CDK15: variants seen among roughly 807,000 people sequenced by gnomAD.
CDK15 encodes the protein cyclin dependent kinase 15, also known as cyclin-dependent kinase 15.
A neutral mutation model predicts 60.3 loss-of-function variants in CDK15; 62 were observed. The observed-to-expected ratio is 1.03, with a 90% CI of 0.84 to 1.27. CDK15 has a LOEUF of 1.27. CDK15 is among the 50% of genes most tolerant of loss of function. CDK15 has a pLI of 0.00. For synonymous variants in CDK15, 194 were observed against 195.7 expected (o/e 0.99, Z 0.07); for missense variants, 541 against 527.8 (o/e 1.03, Z -0.25).
intron 12 of CDK15, chr2:201,888,956 G>A: frequency 1.0e-6 from 1 of 986,652 alleles, no homozygotes; most frequent in Non-Finnish European, 1.2e-6. Flanking sequence ...ATAGAAAGTA[G>A]AATACAAAAT....
intron 4 of CDK15, among the ~76,000 whole-genome samples, chr2:201,817,773 A>C (rs1480903356): frequency 6.6e-6 from 1 of 152,216 alleles, no homozygotes; most frequent in East Asian, 1.9e-4. Flanking sequence ...TCACATGACA[A>C]ATACAGCAAA....
chr2:201,856,862 C>T lies in CDK15; in HGVS notation c.1009+1925C>T, dbSNP rs1432268721. Among the ~76,000 whole-genome samples the T allele has an allele frequency of 3.9e-5, 6 of 152,120 alleles. No individual in the cohort carries two copies. The East Asian group carries it at 9.6e-4, about 24-fold the overall frequency. On this transcript the variant is annotated intron_variant, in intron 10 of 13. Coordinates refer to ENST00000652192, the MANE Select transcript of CDK15 (RefSeq NM_001366386.2). ...AACAGTGATCCTTAATACAAAATGT[C>T]TTGGTGAGAGCAATAATCAAGAAAC...
intron 10 of CDK15, among the ~76,000 whole-genome samples, chr2:201,865,420 C>T (rs1471719028): frequency 6.6e-6 from 1 of 152,162 alleles, no homozygotes; most frequent in Non-Finnish European, 1.5e-5. Context: ...ACCTCAGGAA[C>T]AGGCTTTAGC....
chr2:201,846,425 G>A (rs567403092), intron 8 of CDK15, among the ~76,000 whole-genome samples: 59 of 151,780 alleles, frequency 3.9e-4, no homozygotes, highest in African/African-American at 1.3e-3. Context: ...CCTGGGAGGC[G>A]GAGGTTGCAG....
At chr2:201,840,946 T>C (rs1697348447) in intron 8 of CDK15, among the ~76,000 whole-genome samples, 1 of 152,210 alleles carries the variant, frequency 6.6e-6, no homozygotes, top group South Asian at 2.1e-4. Flanking sequence ...ATTTTCTTTT[T>C]GAATATTGAC....
At chr2:201,819,159 A>C (rs1329959981) in intron 4 of CDK15, among the ~76,000 whole-genome samples, 1 of 152,042 alleles carries the variant, frequency 6.6e-6, no homozygotes, top group African/African-American at 2.4e-5. Flanking sequence ...AGGGCTGCTG[A>C]GGTGGGATGG....
chr2:201,832,566 T>C (rs1696806750), intron 6 of CDK15, among the ~76,000 whole-genome samples: 1 of 152,218 alleles, frequency 6.6e-6, no homozygotes, highest in African/African-American at 2.4e-5. Flanking sequence ...GAGAAAATGC[T>C]GGGAAGATTC....
At chr2:201,865,721 C>G (rs1698595852) in intron 10 of CDK15, among the ~76,000 whole-genome samples, 2 of 151,896 alleles carry the variant, frequency 1.3e-5, no homozygotes, top group Non-Finnish European at 2.9e-5. Context: ...GAAACCCCAT[C>G]TCTACTAAAA....
chr2:201,842,458 A>T (rs898998815), intron 8 of CDK15, among the ~76,000 whole-genome samples: 1 of 152,194 alleles, frequency 6.6e-6, no homozygotes, highest in Non-Finnish European at 1.5e-5. Flanking sequence ...ACTTCCAAAT[A>T]TAAAAAGGGT....
rs544974606 is a variant in CDK15 at position 201,868,597 on chromosome 2, G to A, written c.1010-3681G>A. Among the ~76,000 whole-genome samples the A allele has an allele frequency of 2.6e-5, 4 of 152,092 alleles. No homozygotes were observed. The South Asian group carries it at 6.2e-4, about 24-fold the overall frequency. ...ATTTGCATTGAGAAAACTGAGGGTT[G>A]CCCCTACAGAATGCGAGAAAATTTT... On this transcript the variant is annotated intron_variant, in intron 10 of 13. Coordinates refer to ENST00000652192, the MANE Select transcript of CDK15 (RefSeq NM_001366386.2).
chr2:201,861,622 A>G (rs906566747), intron 10 of CDK15: 193 of 762,938 alleles, frequency 2.5e-4, no homozygotes, highest in Non-Finnish European at 2.8e-4. Context: ...GTGCAGTGGC[A>G]TGATCTCGGC....
At chr2:201,823,016 C>A in intron 5 of CDK15, 113 bp downstream of exon 5, 1 of 706,124 alleles carries the variant, frequency 1.4e-6, no homozygotes, top group Non-Finnish European at 2.5e-6. Flanking sequence ...TGAAAAGTAT[C>A]ATGGAAATTT....
At chr2:201,854,996 G>C in intron 10 of CDK15, 59 bp downstream of exon 10, 2 of 1,514,416 alleles carry the variant, frequency 1.3e-6, no homozygotes, top group Non-Finnish European at 9.2e-7. Flanking sequence ...GAGAGCATTG[G>C]CCACGCTAAC....
intron 11 of CDK15, 107 bp downstream of exon 11, chr2:201,872,433 G>T: frequency 8.5e-7 from 1 of 1,171,798 alleles, no homozygotes; most frequent in Middle Eastern, 2.0e-4. Context: ...GCACTTCCAT[G>T]TGGGGGCTCT....
intron 12 of CDK15, among the ~76,000 whole-genome samples, chr2:201,890,071 A>G (rs1699591961): frequency 6.6e-6 from 1 of 151,982 alleles, no homozygotes; most frequent in Non-Finnish European, 1.5e-5. Flanking sequence ...AAAAAAAAAA[A>G]AAAGATTGCC....
chr2:201,849,893 C>T (rs541340186), intron 9 of CDK15, among the ~76,000 whole-genome samples: 236 of 152,104 alleles, frequency 1.6e-3, no homozygotes, highest in Non-Finnish European at 2.1e-3. Context: ...GGTGCCATCT[C>T]GGCTCACTGC....
intron 11 of CDK15, among the ~76,000 whole-genome samples, chr2:201,876,999 T>C (rs1172730208): frequency 1.3e-5 from 2 of 152,154 alleles, no homozygotes; most frequent in East Asian, 3.9e-4. Context: ...GTTTTCACCA[T>C]GTTGCCCAGG....
chr2:201,889,491 C>A (rs1158852904), intron 12 of CDK15: 2 of 876,646 alleles, frequency 2.3e-6, no homozygotes, highest in Non-Finnish European at 1.4e-6. Context: ...TTTAAACTTA[C>A]AGCAATCTGC....
chr2:201,844,693 C>T (rs2105768686), intron 8 of CDK15, among the ~76,000 whole-genome samples: 1 of 152,278 alleles, frequency 6.6e-6, no homozygotes, highest in Admixed American at 6.5e-5. Flanking sequence ...TGGTGGCTCA[C>T]ACCTGTAATC....
Sources: allele counts gnomAD v4.1 joint callset (sites outside exome capture counted in the v4.1 genomes callset), GRCh38; gene constraint gnomAD v4.1.1; transcripts MANE v1.5; gene names NCBI Gene and HGNC (gene_info 2026-07-23, HGNC 2026-07-21).